The following IMMP2L variants were observed in gnomAD, a reference collection of about 807,000 sequenced individuals.
IMMP2L encodes the protein mitochondrial inner membrane protease subunit 2.
In IMMP2L, 18 loss-of-function variants were observed where a neutral mutation model predicts 19.3. The observed-to-expected ratio is 0.93, with a 90% confidence interval of 0.64 to 1.38. The LOEUF (loss-of-function observed/expected upper bound fraction) is 1.38. IMMP2L is among the 40% of genes most tolerant of loss of function. The pLI, the probability that IMMP2L is intolerant of heterozygous loss-of-function variation, is 0.00. For synonymous variants in IMMP2L, 76 were observed against 73.0 expected (o/e 1.04, Z -0.21); for missense variants, 233 against 218.2 (o/e 1.07, Z -0.43).
At chr7:111,501,348 T>G (rs1844229586) in intron 2 of IMMP2L, among the ~76,000 whole-genome samples, 1 of 152,152 alleles carries the variant, frequency 6.6e-6, no homozygotes, top group Non-Finnish European at 1.5e-5. Flanking sequence ...TACGTCTGAT[T>G]GGTGTACCTG....
chr7:111,159,849 A>T (rs905605679), intron 3 of IMMP2L, among the ~76,000 whole-genome samples: 5 of 152,136 alleles, frequency 3.3e-5, no homozygotes, highest in African/African-American at 1.2e-4. Flanking sequence ...CAACATAAAA[A>T]GTATTAATGG....
intron 3 of IMMP2L, among the ~76,000 whole-genome samples, chr7:111,409,338 C>A (rs2131492137): frequency 6.6e-6 from 1 of 151,588 alleles, no homozygotes; most frequent in South Asian, 2.1e-4. Context: ...TAAAAATTTG[C>A]AGATCTGTAT....
intron 3 of IMMP2L, among the ~76,000 whole-genome samples, chr7:111,160,377 T>C (rs1213474081): frequency 1.3e-5 from 2 of 151,928 alleles, no homozygotes; most frequent in Non-Finnish European, 2.9e-5. Context: ...CATATTAGAG[T>C]AGTCTACTGC....
intron 4 of IMMP2L, among the ~76,000 whole-genome samples, chr7:110,959,064 C>T (rs1818662170): frequency 6.6e-6 from 1 of 151,944 alleles, no homozygotes; most frequent in South Asian, 2.1e-4. Flanking sequence ...ACTACCAGAA[C>T]ATTAAATGGA....
intron 3 of IMMP2L, among the ~76,000 whole-genome samples, chr7:111,304,665 A>G (rs544561340): frequency 2.3e-5 from 3 of 128,680 alleles, no homozygotes; most frequent in Admixed American, 8.7e-5. Context: ...ACATACACAT[A>G]TATAATGTGT....
At chr7:111,279,631 A>G (rs1436561489) in intron 3 of IMMP2L, among the ~76,000 whole-genome samples, 2 of 152,176 alleles carry the variant, frequency 1.3e-5, no homozygotes, top group Non-Finnish European at 2.9e-5. Context: ...CTCTGACTTG[A>G]TATCACATAG....
intron 3 of IMMP2L, among the ~76,000 whole-genome samples, chr7:111,210,007 C>T (rs78144803): frequency 1.3e-5 from 2 of 152,104 alleles, no homozygotes; most frequent in African/African-American, 4.8e-5. Context: ...TGTTCTTTGC[C>T]GAGAGTGAAT....
intron 3 of IMMP2L, among the ~76,000 whole-genome samples, chr7:111,144,974 A>G (rs2129599994): frequency 6.6e-6 from 1 of 152,232 alleles, no homozygotes; most frequent in South Asian, 2.1e-4. Context: ...GATTTCTCTG[A>G]GAAGATATTG....
chr7:111,129,160 G>C (rs1343147515), intron 3 of IMMP2L, among the ~76,000 whole-genome samples: 1 of 152,020 alleles, frequency 6.6e-6, no homozygotes, highest in African/African-American at 2.4e-5. Flanking sequence ...GTATTAAGGA[G>C]TGAAAAAATC....
At chr7:111,310,484 C>G (rs1329860183) in intron 3 of IMMP2L, among the ~76,000 whole-genome samples, 3 of 151,990 alleles carry the variant, frequency 2.0e-5, no homozygotes, top group Admixed American at 6.6e-5. Context: ...TCTGGAAGAG[C>G]AATCATCCTA....
intron 5 of IMMP2L, among the ~76,000 whole-genome samples, chr7:110,878,317 C>T (rs998033965): frequency 6.6e-6 from 1 of 151,990 alleles, no homozygotes; most frequent in Non-Finnish European, 1.5e-5. Context: ...GAAATTGAAC[C>T]CTCAAACCTA....
intron 4 of IMMP2L, among the ~76,000 whole-genome samples, chr7:110,905,554 A>G (rs1192974471): frequency 2.6e-5 from 4 of 152,178 alleles, no homozygotes; most frequent in Admixed American, 1.3e-4. Context: ...CCAAAACTAA[A>G]GGATAAATAG....
chr7:111,150,136 A>G (rs1042039895), intron 3 of IMMP2L, among the ~76,000 whole-genome samples: 2 of 152,190 alleles, frequency 1.3e-5, no homozygotes, highest in Non-Finnish European at 2.9e-5. Flanking sequence ...ACCAAATAGA[A>G]TATTATGATC....
intron 3 of IMMP2L, among the ~76,000 whole-genome samples, chr7:111,452,095 A>T (rs1282719523): frequency 6.6e-6 from 1 of 151,984 alleles, no homozygotes; most frequent in East Asian, 1.9e-4. Context: ...CTTTAGACTT[A>T]TGTTTTTCTA....
intron 5 of IMMP2L, among the ~76,000 whole-genome samples, chr7:110,726,463 T>A (rs777410856): frequency 6.6e-6 from 1 of 152,204 alleles, no homozygotes; most frequent in Non-Finnish European, 1.5e-5. Context: ...AATTAGCACA[T>A]TCCCAAAGAG....
intron 3 of IMMP2L, among the ~76,000 whole-genome samples, chr7:111,278,351 C>T (rs1172518176): frequency 6.6e-6 from 1 of 152,122 alleles, no homozygotes; most frequent in African/African-American, 2.4e-5. Flanking sequence ...TTTGTATGTG[C>T]AGCTGGAGTG....
At chr7:111,195,945 C>T (rs1456475402) in intron 3 of IMMP2L, among the ~76,000 whole-genome samples, 2 of 152,014 alleles carry the variant, frequency 1.3e-5, no homozygotes, top group African/African-American at 4.8e-5. Context: ...CGGCTCACTG[C>T]ACCCTCGAAC....
At chr7:110,767,242 C>G (rs1017727248) in intron 5 of IMMP2L, among the ~76,000 whole-genome samples, 2 of 152,044 alleles carry the variant, frequency 1.3e-5, no homozygotes, top group African/African-American at 4.8e-5. Flanking sequence ...TGTGTTTTTG[C>G]AAAATGGAAA....
intron 5 of IMMP2L, among the ~76,000 whole-genome samples, chr7:110,879,387 C>A (rs201602878): frequency 1.5e-4 from 21 of 142,112 alleles, no homozygotes; most frequent in Non-Finnish European, 1.2e-4. Context: ...GAATCTATCT[C>A]AAAAAAAAAA....
Sources: allele counts gnomAD v4.1 joint callset (sites outside exome capture counted in the v4.1 genomes callset), GRCh38; gene constraint gnomAD v4.1.1; transcripts MANE v1.5; gene names NCBI Gene and HGNC (gene_info 2026-07-23, HGNC 2026-07-21).